The following WNT7B variants were observed in gnomAD, a reference collection of about 807,000 sequenced individuals.
The protein encoded by WNT7B is protein Wnt-7b.
WNT7B carries 19 observed loss-of-function variants against 38.2 expected under a neutral mutation model. The ratio of observed to expected loss-of-function variants is 0.50; its 90% CI spans 0.35 to 0.73. WNT7B has a LOEUF of 0.73. Among genes scored for constraint, WNT7B ranks in the 30% least tolerant of loss-of-function variants. The probability of loss-of-function intolerance (pLI) is 0.01; values close to 1 mark genes in which losing one functional copy is unlikely to be tolerated. For synonymous variants in WNT7B, 243 were observed against 209.3 expected (o/e 1.16, Z -1.39); for missense variants, 423 against 507.9 (o/e 0.83, Z 1.61).
intron 2 of WNT7B, among the ~76,000 whole-genome samples, chr22:45,936,350 T>C (rs1333606186): frequency 6.6e-6 from 1 of 152,230 alleles, no homozygotes; most frequent in Non-Finnish European, 1.5e-5. Context: ...CAGGGCCGGC[T>C]ACGGGTGGAC....
In WNT7B at chr22:45,975,128, G is replaced by A. The variant is rs965075802; in HGVS notation, c.71+1556C>T. On this transcript the variant is annotated intron_variant, in intron 1 of 3. Coordinates refer to ENST00000339464, the MANE Select transcript of WNT7B (RefSeq NM_058238.3). The surrounding 1 kb of genome is among the most constrained non-coding windows in gnomAD (Gnocchi z 6.6). ...CTGAGGACAGTGACTTAGGTCCTGT[G>A]CCCAGTTTCCTAATCCTTGAATCCG... Among the ~76,000 whole-genome samples the A allele has an allele frequency of 2.6e-5, 4 of 152,166 alleles. No homozygotes were observed. In the East Asian group the frequency reaches 7.7e-4, roughly 29 times the overall value.
At chr22:45,932,620 C>T (rs774600080) in intron 2 of WNT7B, among the ~76,000 whole-genome samples, 4 of 152,226 alleles carry the variant, frequency 2.6e-5, no homozygotes, top group Non-Finnish European at 5.9e-5. Context: ...CATCCTGGCT[C>T]TGGACTCTTG....
Position 45,931,348 on chromosome 22 carries a change from G to A in WNT7B, c.320C>T (p.Thr107Met). 4 of 1,592,126 alleles carry A rather than the reference G, an allele frequency of 2.5e-6. No homozygotes were observed. Among genetic ancestry groups the A allele is most frequent in the East Asian group, 2.2e-5 (1 of 44,678 alleles). Residue 107 changes from threonine to methionine, a missense_variant, in exon 3 of 4, where the codon ACG becomes ATG. By Grantham distance (81) the Thr-to-Met change is moderately conservative (BLOSUM62 -1). Around this residue, in one of 3 missense-constraint regions of WNT7B, gnomAD observed 133 missense variants for 179.8 expected, o/e 0.74. Coordinates refer to ENST00000339464, the MANE Select transcript of WNT7B (RefSeq NM_058238.3). Reference protein sequence around the residue: ...LRVGSREAAFTYAITAAGVAH... With the variant: ...LRVGSREAAFMYAITAAGVAH... ...CACGCCAGCCGCGGTGATGGCGTAC[G>A]TGAAGGCAGCCTCACGGCTCCCTGC... is the stretch of plus-strand genomic sequence containing the variant.
intron 1 of WNT7B, among the ~76,000 whole-genome samples, chr22:45,973,354 C>T (rs1425773546): frequency 6.6e-6 from 1 of 152,210 alleles, no homozygotes; most frequent in Non-Finnish European, 1.5e-5. Context: ...CAGCACAAAG[C>T]AGGAAGATGG....
At chr22:45,963,547 C>T (rs903811051) in intron 1 of WNT7B, among the ~76,000 whole-genome samples, 16 of 152,236 alleles carry the variant, frequency 1.1e-4, no homozygotes, top group Admixed American at 3.9e-4. Context: ...TTTACAGAGG[C>T]GGCTTAGAGA....
chr22:45,975,704 G>T lies in WNT7B; in HGVS notation c.71+980C>A. The T allele has an allele frequency of 1.8e-6, 1 of 547,348 alleles. No homozygotes were observed. Among genetic ancestry groups the T allele is most frequent in the Admixed American group, 2.8e-5 (1 of 35,740 alleles). 33.9% of individuals were successfully genotyped at this position (547,348 alleles called of 1,614,324 possible). ...CACCGCCTTGCCTGTGGCCTGGACGGGGCTCGCCTCGGGGCAGCCGGCGGC... is the reference window on the plus strand; with the variant it reads ...CACCGCCTTGCCTGTGGCCTGGACGTGGCTCGCCTCGGGGCAGCCGGCGGC... On this transcript the variant is annotated intron_variant, in intron 1 of 3. Transcript: ENST00000339464. The surrounding 1 kb of genome is among the most constrained non-coding windows in gnomAD (Gnocchi z 6.6).
In WNT7B at chr22:45,948,892, T is replaced by C. The variant is rs146195180; in HGVS notation, c.298+1028A>G. Among the ~76,000 whole-genome samples the C allele has an allele frequency of 8.3e-3, 1,164 of 139,594 alleles. 10 individuals are homozygous for C. The highest frequency in any genetic ancestry group is 0.014 in the Non-Finnish European group (926 of 65,890). The allele number at this position is 139,594 out of a possible 152,430, so 91.6% of individuals were successfully genotyped here. Reference sequence around the variant, plus strand: ...CAGAGTCTTGCTCTTTTACGCAGACTGGAGTACAATGGTGCCATCTCGGCT... The same window carrying C: ...CAGAGTCTTGCTCTTTTACGCAGACCGGAGTACAATGGTGCCATCTCGGCT... On this transcript the variant is annotated intron_variant, in intron 2 of 3. Coordinates refer to ENST00000339464, the MANE Select transcript of WNT7B (RefSeq NM_058238.3).
At chr22:45,941,343 G>C (rs536895699) in intron 2 of WNT7B, among the ~76,000 whole-genome samples, 5 of 152,028 alleles carry the variant, frequency 3.3e-5, no homozygotes, top group African/African-American at 9.7e-5. Context: ...AACCCCGTCT[G>C]TACTAAAAAT....
At chr22:45,928,707 T>C (rs756118971) in intron 3 of WNT7B, among the ~76,000 whole-genome samples, 1 of 152,120 alleles carries the variant, frequency 6.6e-6, no homozygotes, top group Non-Finnish European at 1.5e-5. Flanking sequence ...AAGTCAGCCC[T>C]GGGGTTCACA....
At chr22:45,972,116 G>GGGGGGGGGGGGCCCCCCCC in intron 1 of WNT7B, 1 of 530,740 alleles carries the variant, frequency 1.9e-6, no homozygotes. Flanking sequence ...CCCGGGGGGA[G>GGGGGGGGGGGGCCCCCCCC]CCCACCCGCC....
rs1230911873 is a variant in WNT7B at position 45,951,847 on chromosome 22, G to A, written c.72-1701C>T. Among the ~76,000 whole-genome samples the A allele has an allele frequency of 4.6e-5, 7 of 152,174 alleles. No homozygotes were observed. The highest frequency in any genetic ancestry group is 1.9e-4 in the East Asian group (1 of 5,196). ...GTGAGTGATGCCGCCATGAACGTGCGGGTAAGGTTTCTGTTTGAGCCTGTT... is the reference window on the plus strand; with the variant it reads ...GTGAGTGATGCCGCCATGAACGTGCAGGTAAGGTTTCTGTTTGAGCCTGTT... On this transcript the variant is annotated intron_variant, in intron 1 of 3. Coordinates refer to ENST00000339464, the MANE Select transcript of WNT7B (RefSeq NM_058238.3). The surrounding 1 kb of genome is among the most constrained non-coding windows in gnomAD (Gnocchi z 4.8).
In WNT7B at chr22:45,922,577, G is replaced by A; in HGVS notation, c.*279C>T. 2.1e-6 allele frequency: 1 copy of A among 478,912 alleles called. No homozygotes were observed. The highest frequency in any genetic ancestry group is 3.3e-5 in the East Asian group (1 of 29,968). The allele number at this position is 478,912 out of a possible 1,614,324, so 29.7% of individuals were successfully genotyped here. A position where few individuals can be genotyped will look rare whatever the true frequency, so the allele number is the denominator to read the frequency against. ...CAGAGAGAAGAAAGAGAACTTGCCG[G>A]GCCCCGTCGGGGAGCACCAAGACCC... On this transcript the variant is annotated 3_prime_UTR_variant, in exon 4 of 4. Coordinates refer to ENST00000339464, the MANE Select transcript of WNT7B (RefSeq NM_058238.3).
intron 1 of WNT7B, 29 bp from the exon 2 acceptor site, chr22:45,950,175 A>T: frequency 6.3e-7 from 1 of 1,594,272 alleles, no homozygotes; most frequent in Non-Finnish European, 8.6e-7. Context: ...AGAGGCCGTG[A>T]GACGGCGGCG....
chr22:45,972,116 G>GGCCC, intron 1 of WNT7B: 72 of 530,688 alleles, frequency 1.4e-4, no homozygotes, highest in South Asian at 3.4e-4. Context: ...CCCGGGGGGA[G>GGCCC]CCCACCCGCC....
At chr22:45,931,512 G>C in intron 2 of WNT7B, 143 bp from the exon 3 acceptor site, 1 of 1,042,648 alleles carries the variant, frequency 9.6e-7, no homozygotes, top group Non-Finnish European at 1.3e-6. Flanking sequence ...CTGTGCCTCT[G>C]ACTCACCAAA....
intron 1 of WNT7B, among the ~76,000 whole-genome samples, chr22:45,959,374 C>A (rs886387010): frequency 4.6e-5 from 7 of 152,102 alleles, no homozygotes; most frequent in Admixed American, 3.3e-4. Context: ...CAGGGCCCTG[C>A]GTTTAAAACT....
rs1007212079 is a variant in WNT7B, at chr22:45,975,161, A to T, written c.71+1523T>A. 2.6e-5 allele frequency among the ~76,000 whole-genome samples: 4 copies of T among 152,140 alleles called. No homozygotes were observed. Among genetic ancestry groups the T allele is most frequent in the African/African-American group, 9.7e-5 (4 of 41,418 alleles). On this transcript the variant is annotated intron_variant, in intron 1 of 3. Transcript: ENST00000339464. This position sits in a 1 kb window ranked among gnomAD's most constrained non-coding sequence, Gnocchi z 6.6. ...TCCTAATCCTTGAATCCGGGAGAGT[A>T]AAAGCACCTAACTACTCTAGGGGTG...
At chr22:45,929,805 T>TACCC (rs1931260324) in intron 3 of WNT7B, among the ~76,000 whole-genome samples, 1 of 148,768 alleles carries the variant, frequency 6.7e-6, no homozygotes, top group South Asian at 2.1e-4. Flanking sequence ...CTCAACCATC[T>TACCC]ACCCATCCAT....
chr22:45,925,247 G>T (rs1601713370), intron 3 of WNT7B: 15 of 982,414 alleles, frequency 1.5e-5, no homozygotes, highest in Middle Eastern at 5.3e-4. Flanking sequence ...GTGCTGTGTG[G>T]GCCCTAGGCT....
Sources: allele counts gnomAD v4.1 joint callset (sites outside exome capture counted in the v4.1 genomes callset), GRCh38; gene constraint gnomAD v4.1.1; regional missense constraint gnomAD v4.1.1; non-coding constraint Gnocchi (gnomAD v3.1); transcripts MANE v1.5; gene names NCBI Gene and HGNC (gene_info 2026-07-23, HGNC 2026-07-21).